Variants in OSBPL6 observed in about 807,000 individuals in gnomAD.
The protein encoded by OSBPL6 is oxysterol-binding protein-related protein 6.
OSBPL6 carries 49 observed loss-of-function variants against 125.8 expected under a neutral mutation model. The observed-to-expected ratio is 0.39, with a 90% CI of 0.31 to 0.49. The LOEUF (loss-of-function observed/expected upper bound fraction) is 0.49. Ranked by LOEUF, OSBPL6 falls within the 20% of genes least tolerant of loss-of-function variation. The pLI is 0.88. For synonymous variants in OSBPL6, 394 were observed against 391.8 expected (o/e 1.01, Z -0.07); for missense variants, 986 against 1,135.4 (o/e 0.87, Z 1.89).
Position 178,402,665 on chromosome 2 carries a change from A to G in OSBPL6, c.*7106A>G, listed in dbSNP as rs565837740. 1 of 152,368 alleles carries G rather than the reference A, an allele frequency of 6.6e-6. No homozygotes were observed. The highest frequency in any genetic ancestry group is 2.4e-5 in the African/African-American group (1 of 41,594). 9.4% of individuals were successfully genotyped at this position (152,368 alleles called of 1,614,324 possible). ...ATGTACTGTTCGTTTGCATACGGTCATTTTGAGATAGAAAAATTAAATTTT... is the reference window on the plus strand; with the variant it reads ...ATGTACTGTTCGTTTGCATACGGTCGTTTTGAGATAGAAAAATTAAATTTT... On this transcript the variant is annotated 3_prime_UTR_variant, in exon 25 of 25. Coordinates refer to ENST00000190611, the MANE Select transcript of OSBPL6 (RefSeq NM_032523.4).
At chr2:178,220,857 T>C (rs2090308558) in intron 1 of OSBPL6, among the ~76,000 whole-genome samples, 1 of 152,192 alleles carries the variant, frequency 6.6e-6, no homozygotes, top group African/African-American at 2.4e-5. Context: ...CTCGTCGATC[T>C]TGGATGTTTA....
At chr2:178,302,656 T>G (rs975831183) in intron 2 of OSBPL6, among the ~76,000 whole-genome samples, 11 of 152,186 alleles carry the variant, frequency 7.2e-5, no homozygotes, top group Admixed American at 2.0e-4. Context: ...TGGAATGAAT[T>G]AAGTTCTCTT....
intron 23 of OSBPL6, among the ~76,000 whole-genome samples, chr2:178,394,059 C>T (rs1329242731): frequency 6.6e-6 from 1 of 152,282 alleles, no homozygotes; most frequent in African/African-American, 2.4e-5. Context: ...CCAAACCACC[C>T]ACCTTTCACT....
intron 19 of OSBPL6, among the ~76,000 whole-genome samples, chr2:178,386,233 C>A (rs1018821037): frequency 6.6e-6 from 1 of 152,110 alleles, no homozygotes; most frequent in African/African-American, 2.4e-5. Flanking sequence ...GATGACAGAT[C>A]ATTTCTTGGT....
chr2:178,306,222 A>C lies in OSBPL6; in HGVS notation c.38A>C (p.Lys13Thr). The C allele has an allele frequency of 1.2e-6, 2 of 1,613,986 alleles. No homozygotes were observed. The highest frequency in any genetic ancestry group is 2.7e-5 in the African/African-American group (2 of 75,050). The change falls in exon 3 of 25, where the codon AAA (lysine) becomes ACA (threonine). Residue 13 changes from lysine (K) to threonine (T), a missense_variant. Lys to Thr is a moderately conservative substitution (Grantham distance 78). This residue lies in a region of OSBPL6 where 130 missense variants were observed against 106.4 expected (regional missense o/e 1.22). Transcript: ENST00000190611. ...GAGAAGGGCATTTCCCCTGCTCATAAAACATCCACTCCAACCCATAGAAGT... is the reference window on the plus strand; with the variant it reads ...GAGAAGGGCATTTCCCCTGCTCATACAACATCCACTCCAACCCATAGAAGT... ...SDEKGISPAHKTSTPTHRSAS... is the reference protein window; with the variant it reads ...SDEKGISPAHTTSTPTHRSAS...
chr2:178,289,149 C>A (rs1188466655), intron 2 of OSBPL6, among the ~76,000 whole-genome samples: 1 of 149,572 alleles, frequency 6.7e-6, no homozygotes, highest in Non-Finnish European at 1.5e-5. Context: ...TCCCGAGTAG[C>A]TGGGACTACA....
intron 3 of OSBPL6, chr2:178,323,920 C>T (rs1226454480): frequency 7.0e-6 from 2 of 286,784 alleles, no homozygotes; most frequent in African/African-American, 2.1e-5. Flanking sequence ...TAAAATTTTT[C>T]GAGAGATATT....
intron 15 of OSBPL6, among the ~76,000 whole-genome samples, chr2:178,376,197 A>G (rs12468466): frequency 0.22 from 34,040 of 151,906 alleles, 4,117 homozygotes; most frequent in African/African-American, 0.28. Flanking sequence ...GACACCTGGT[A>G]CTCACAGAAC....
At chr2:178,303,356 T>A (rs1686463451) in intron 2 of OSBPL6, among the ~76,000 whole-genome samples, 1 of 152,196 alleles carries the variant, frequency 6.6e-6, no homozygotes, top group African/African-American at 2.4e-5. Flanking sequence ...CACTAGAATG[T>A]CCAGTTTTCA....
intron 12 of OSBPL6, among the ~76,000 whole-genome samples, chr2:178,353,285 T>A (rs1452184467): frequency 6.6e-6 from 1 of 152,076 alleles, no homozygotes; most frequent in Non-Finnish European, 1.5e-5. Context: ...AGGTCAGTAA[T>A]AACAAACTTC....
chr2:178,355,037 A>G (rs926061453), intron 12 of OSBPL6, among the ~76,000 whole-genome samples: 2 of 152,216 alleles, frequency 1.3e-5, no homozygotes, highest in African/African-American at 4.8e-5. Flanking sequence ...TTTGAAACCA[A>G]TGAGAACAAA....
At chr2:178,251,761 G>A (rs751268368) in intron 1 of OSBPL6, among the ~76,000 whole-genome samples, 8 of 152,132 alleles carry the variant, frequency 5.3e-5, no homozygotes, top group African/African-American at 1.9e-4. Flanking sequence ...TACCTCATAG[G>A]CACTGGCGCC....
chr2:178,385,209 A>G (rs556725995), intron 18 of OSBPL6, among the ~76,000 whole-genome samples: 1 of 152,278 alleles, frequency 6.6e-6, no homozygotes, highest in East Asian at 1.9e-4. Flanking sequence ...CATTCTGCAC[A>G]TGTATCCCAG....
intron 11 of OSBPL6, among the ~76,000 whole-genome samples, chr2:178,341,544 T>A (rs908278242): frequency 2.6e-5 from 4 of 152,202 alleles, no homozygotes; most frequent in East Asian, 3.8e-4. Flanking sequence ...TTATGCTATT[T>A]CACCTTGTTT....
chr2:178,199,195 A>G (rs1559106942), intron 1 of OSBPL6, among the ~76,000 whole-genome samples: 1 of 152,358 alleles, frequency 6.6e-6, no homozygotes, highest in East Asian at 1.9e-4. Context: ...ACATAAACAT[A>G]AAACTCAATT....
intron 3 of OSBPL6, among the ~76,000 whole-genome samples, chr2:178,313,147 C>T (rs1259448297): frequency 6.6e-6 from 1 of 152,154 alleles, no homozygotes; most frequent in Non-Finnish European, 1.5e-5. Context: ...CCACCTGCCT[C>T]AGCCTCCCAA....
chr2:178,392,783 C>T (rs1695523416), intron 23 of OSBPL6, among the ~76,000 whole-genome samples: 1 of 151,336 alleles, frequency 6.6e-6, no homozygotes, highest in Non-Finnish European at 1.5e-5. Flanking sequence ...ATCGCTCGAG[C>T]CTAGGATGTT....
chr2:178,243,789 A>G (rs1183745277), intron 1 of OSBPL6, among the ~76,000 whole-genome samples: 1 of 152,070 alleles, frequency 6.6e-6, no homozygotes, highest in Non-Finnish European at 1.5e-5. Context: ...AGTAGCTGGG[A>G]TTACAGGTGC....
chr2:178,288,081 T>G (rs565818516), intron 2 of OSBPL6, among the ~76,000 whole-genome samples: 1 of 152,240 alleles, frequency 6.6e-6, no homozygotes, highest in Non-Finnish European at 1.5e-5. Flanking sequence ...ATTGACTCCC[T>G]TTTATCATTT....
Sources: gnomAD v4.1 joint callset for allele counts (sites outside exome capture counted in the v4.1 genomes callset) on GRCh38, gnomAD v4.1.1 for gene constraint, gnomAD v4.1.1 regional missense constraint, MANE v1.5 for transcripts, NCBI Gene and HGNC (gene_info 2026-07-23, HGNC 2026-07-21) for gene names.